The following DLGAP2 variants were observed in gnomAD, a reference collection of about 807,000 sequenced individuals.
DLGAP2 encodes the protein DLG associated protein 2, also known as disks large-associated protein 2.
Under a neutral mutation model 100.3 loss-of-function variants are expected in DLGAP2, and 26 were observed. The ratio of observed to expected loss-of-function variants is 0.26; its 90% confidence interval spans 0.19 to 0.36. The LOEUF is 0.36. Ranked by LOEUF, DLGAP2 falls within the 10% of genes least tolerant of loss-of-function variation. DLGAP2 has a pLI of 1.00. For synonymous variants in DLGAP2, 886 were observed against 630.1 expected, an observed-to-expected ratio of 1.41 and a Z score of -6.08; for missense variants, 1,858 against 1,453.2, an observed-to-expected ratio of 1.28 and a Z score of -4.53.
At chr8:1,123,100 A>G (rs906411330) in intron 2 of DLGAP2, among the ~76,000 whole-genome samples, 2 of 152,194 alleles carry the variant, frequency 1.3e-5, no homozygotes, top group Non-Finnish European at 2.9e-5. Context: ...TTTCTGTCAA[A>G]ATATCTCACA....
rs746260903 is a variant in DLGAP2, at chr8:1,429,999, TATATATAC to T, written c.107-71359_107-71352del. ...ATGAAAGCAGAAGGGGAGAGATGCATATATATACATATATATATATATATATATACACA... is the reference window on the plus strand; with the variant it reads ...ATGAAAGCAGAAGGGGAGAGATGCATATATATATATATATATATATACACA... On this transcript the variant is annotated intron_variant, in intron 3 of 14. Transcript: ENST00000637795. Among the ~76,000 whole-genome samples, 12 of 62,336 alleles carry T rather than the reference TATATATAC, an allele frequency of 1.9e-4. 1 individual carries two copies. The highest frequency in any genetic ancestry group is 3.3e-4 in the Admixed American group (2 of 6,060). The allele number at this position is 62,336 out of a possible 152,430, so 40.9% of individuals were successfully genotyped here.
In DLGAP2 at chr8:1,697,329, A is replaced by G. The variant is rs1799426521; in HGVS notation, c.2949+30A>G. 3 of 1,561,260 alleles carry G rather than the reference A, an allele frequency of 1.9e-6. No individual in the cohort carries two copies. The African/African-American group carries it at 4.1e-5, about 21-fold the overall frequency. On this transcript the variant is annotated intron_variant, in intron 14 of 14. Coordinates refer to ENST00000637795, the MANE Select transcript of DLGAP2 (RefSeq NM_001346810.2). ...GGGCATCCATGCAGGGCCGGCTCCC[A>G]GCAAACCCCCTTTCTCACTGCACTA...
rs141155134 is a variant in DLGAP2 at position 1,510,481 on chromosome 8, G to T, written c.172+9050G>T. Among the ~76,000 whole-genome samples, 317 of 152,354 alleles carry T rather than the reference G, an allele frequency of 2.1e-3. 1 individual carries two copies. The highest frequency in any genetic ancestry group is 6.7e-3 in the African/African-American group (278 of 41,580). On this transcript the variant is annotated intron_variant, in intron 4 of 14. Coordinates refer to ENST00000637795, the MANE Select transcript of DLGAP2 (RefSeq NM_001346810.2). ...TGAAAGTGCTGTCAAGGATGGGAAG[G>T]TCCAGTTTTGTGGCAGGTCCAAGGG...
In DLGAP2 at chr8:1,096,722, AG is replaced by A. The variant is rs1331415028; in HGVS notation, c.74-162128del. On this transcript the variant is annotated intron_variant, in intron 2 of 14. Coordinates refer to ENST00000637795, the MANE Select transcript of DLGAP2 (RefSeq NM_001346810.2). ...AGAGGTCCCCTCCAGCGTGAGACCC[AG>A]CTCCCTGCGCTCAGTACAGTGGAGC... 4.0e-4 allele frequency among the ~76,000 whole-genome samples: 54 copies of A among 135,670 alleles called. 4 individuals carry two copies. Among genetic ancestry groups the A allele is most frequent in the African/African-American group, 6.9e-4 (23 of 33,104 alleles). 89.0% of individuals were successfully genotyped at this position (135,670 alleles called of 152,430 possible).
chr8:1,523,520 G>A (rs1800683417), intron 4 of DLGAP2, among the ~76,000 whole-genome samples: 1 of 152,206 alleles, frequency 6.6e-6, no homozygotes. Context: ...AGACGGGGGG[G>A]AAGGACTCCC....
intron 2 of DLGAP2, among the ~76,000 whole-genome samples, chr8:1,183,064 G>C (rs1378120362): frequency 6.6e-6 from 1 of 152,190 alleles, no homozygotes; most frequent in Non-Finnish European, 1.5e-5. Flanking sequence ...GGACCTACTG[G>C]AGTGCTTTCG....
At chr8:853,919 G>A (rs1267537618) in intron 1 of DLGAP2, among the ~76,000 whole-genome samples, 2 of 152,130 alleles carry the variant, frequency 1.3e-5, no homozygotes, top group Non-Finnish European at 2.9e-5. Context: ...AGGTCATGAA[G>A]TCATGAGGGT....
chr8:1,343,577 C>G (rs1801468596), intron 3 of DLGAP2, among the ~76,000 whole-genome samples: 1 of 152,198 alleles, frequency 6.6e-6, no homozygotes. Context: ...AGGCGCTGGT[C>G]AAAACCAGAA....
At chr8:1,587,654 T>A (rs1028885548) in intron 6 of DLGAP2, among the ~76,000 whole-genome samples, 2 of 151,744 alleles carry the variant, frequency 1.3e-5, no homozygotes, top group African/African-American at 2.4e-5. Context: ...GGTGAATGAA[T>A]GAAATGAAGG....
intron 1 of DLGAP2, among the ~76,000 whole-genome samples, chr8:831,481 T>C (rs922623939): frequency 2.0e-5 from 3 of 152,146 alleles, no homozygotes; most frequent in African/African-American, 7.2e-5. Flanking sequence ...TTTTCTGTCC[T>C]TGTGATAGTT....
chr8:1,342,306 C>G (rs947567572), intron 3 of DLGAP2, among the ~76,000 whole-genome samples: 1 of 152,144 alleles, frequency 6.6e-6, no homozygotes, highest in Admixed American at 6.5e-5. Context: ...ACCTCCCAAC[C>G]TCACATATTA....
intron 6 of DLGAP2, among the ~76,000 whole-genome samples, chr8:1,593,095 G>A (rs1316614995): frequency 6.6e-6 from 1 of 152,070 alleles, no homozygotes; most frequent in Non-Finnish European, 1.5e-5. Flanking sequence ...GAAGGTCTGG[G>A]CCCTCCTTCC....
chr8:1,453,560 A>G (rs960345895), intron 3 of DLGAP2, among the ~76,000 whole-genome samples: 1 of 152,178 alleles, frequency 6.6e-6, no homozygotes, highest in Non-Finnish European at 1.5e-5. Context: ...TCTTGAGTGC[A>G]GTCATTTGCA....
intron 2 of DLGAP2, among the ~76,000 whole-genome samples, chr8:1,147,711 C>T (rs974533864): frequency 2.0e-5 from 3 of 152,088 alleles, no homozygotes; most frequent in Non-Finnish European, 2.9e-5. Flanking sequence ...TTTTCAGAGA[C>T]AGGGTCTTGC....
chr8:1,647,182 G>T (rs1002454108), intron 8 of DLGAP2, among the ~76,000 whole-genome samples: 1 of 152,158 alleles, frequency 6.6e-6, no homozygotes, highest in Non-Finnish European at 1.5e-5. Context: ...GCTGGATCTG[G>T]AACTGAAGTC....
chr8:761,268 T>C (rs554945117), intron 1 of DLGAP2, among the ~76,000 whole-genome samples: 3 of 152,276 alleles, frequency 2.0e-5, no homozygotes, highest in African/African-American at 7.2e-5. Context: ...CACCCACGCC[T>C]TCCATCTCTG....
At chr8:1,127,918 C>G (rs1471597128) in intron 2 of DLGAP2, among the ~76,000 whole-genome samples, 1 of 152,202 alleles carries the variant, frequency 6.6e-6, no homozygotes. Context: ...CCGGATCTTT[C>G]AAATAATGAT....
At chr8:1,528,824 C>T (rs562385890) in intron 4 of DLGAP2, among the ~76,000 whole-genome samples, 1 of 152,314 alleles carries the variant, frequency 6.6e-6, no homozygotes, top group East Asian at 1.9e-4. Flanking sequence ...ACTGGGAGCT[C>T]CCCTTTTACA....
chr8:865,110 C>A (rs1310711874), intron 1 of DLGAP2, among the ~76,000 whole-genome samples: 1 of 152,054 alleles, frequency 6.6e-6, no homozygotes, highest in Non-Finnish European at 1.5e-5. Context: ...CTGTAGGACC[C>A]CCAGGGAACA....
Sources: gnomAD v4.1 joint callset for allele counts (sites outside exome capture counted in the v4.1 genomes callset) on GRCh38, gnomAD v4.1.1 for gene constraint, MANE v1.5 for transcripts, NCBI Gene and HGNC (gene_info 2026-07-23, HGNC 2026-07-21) for gene names.